Variants in CCS observed in about 807,000 individuals in gnomAD.
CCS encodes superoxide dismutase copper chaperone.
In CCS, 32 loss-of-function variants were observed where a neutral mutation model predicts 35.5. That is an observed-to-expected ratio of 0.90 (90% CI 0.68 to 1.21). The LOEUF (loss-of-function observed/expected upper bound fraction) is 1.21, where lower values mean the gene tolerates loss of function less well. Ranked by LOEUF, CCS falls within the 50% of genes most tolerant of loss-of-function variation. The pLI is 0.00. For missense variants in CCS, 342 were observed against 375.4 expected, an observed-to-expected ratio of 0.91 and a Z score of 0.73; for synonymous variants, 130 against 147.2, an observed-to-expected ratio of 0.88 and a Z score of 0.84.
chr11:66,599,537 C>T lies in CCS; in HGVS notation c.329C>T (p.Pro110Leu). ...QGVVRFLQLT[P>L]ERCLIEGTID... ...GTGGTGCGCTTCCTACAGCTGACCCCTGAGCGCTGCCTCATCGAGGGAACT... is the reference window on the plus strand; with the variant it reads ...GTGGTGCGCTTCCTACAGCTGACCCTTGAGCGCTGCCTCATCGAGGGAACT... The change falls in exon 4 of 8, where the codon CCT becomes CTT. Residue 110 changes from proline (P) to leucine (L), a missense_variant. Transcript: ENST00000533244. The T allele has an allele frequency of 6.2e-7, 1 of 1,600,796 alleles. No homozygotes were observed. Among genetic ancestry groups the T allele is most frequent in the Non-Finnish European group, 8.5e-7 (1 of 1,174,468 alleles).
At chr11:66,600,728 G>C (rs765008633) in intron 5 of CCS, among the ~76,000 whole-genome samples, 179 bp downstream of exon 5, 2 of 152,148 alleles carry the variant, frequency 1.3e-5, no homozygotes, top group Admixed American at 1.3e-4. Context: ...AGGCCCAGGG[G>C]ATACAATAGA....
chr11:66,605,761 G>C lies in CCS; in HGVS notation c.731G>C (p.Cys244Ser). 6.2e-7 allele frequency: 1 copy of C among 1,607,400 alleles called. No individual in the cohort carries two copies. Residue 244 changes from cysteine (C) to serine (S), a missense_variant, in exon 8 of 8, where the codon TGC becomes TCC. By Grantham distance (112) the Cys-to-Ser change is moderately radical. Coordinates refer to ENST00000533244, the MANE Select transcript of CCS (RefSeq NM_005125.2). The part of the protein sequence containing the change: ...AGLFQNPKQI[C>S]SCDGLTIWEE... The stretch of plus-strand genomic sequence containing the variant: ...CTTTTCCAGAACCCCAAGCAGATCT[G>C]CTCTTGCGATGGCCTCACCATCTGG...
In CCS at chr11:66,605,808, G is replaced by A. The variant is rs769281643; in HGVS notation, c.778G>A (p.Ala260Thr). The A allele has an allele frequency of 1.4e-5, 22 of 1,596,504 alleles. No homozygotes were observed. In the East Asian group the frequency reaches 2.7e-4, roughly 19 times the overall value. The change falls in exon 8 of 8, where the codon GCT becomes ACT. Residue 260 changes from alanine to threonine, a missense_variant. Transcript: ENST00000533244. ...CTGGGAGGAGCGAGGCCGGCCCATC[G>A]CTGGCAAGGGCCGAAAGGAGTCAGC... ...TIWEERGRPI[A>T]GKGRKESAQP...
Position 66,605,798 on chromosome 11 carries a change from C to G in CCS, c.768C>G (p.Gly256=). Residue 256 remains glycine, a synonymous_variant, in exon 8 of 8, where the codon GGC becomes GGG. Transcript: ENST00000533244. ...GCCTCACCATCTGGGAGGAGCGAGG[C>G]CGGCCCATCGCTGGCAAGGGCCGAA... is the stretch of plus-strand genomic sequence containing the variant. ...CDGLTIWEER[G]RPIAGKGRKE... The G allele has an allele frequency of 6.2e-7, 1 of 1,602,482 alleles. No individual in the cohort carries two copies. Among genetic ancestry groups the G allele is most frequent in the Non-Finnish European group, 8.5e-7 (1 of 1,174,088 alleles).
At chr11:66,596,380 CTTT>C (rs763924445) in intron 2 of CCS, among the ~76,000 whole-genome samples, 23 of 137,010 alleles carry the variant, frequency 1.7e-4, no homozygotes, top group African/African-American at 5.6e-4. Context: ...TGACAACTGA[CTTT>C]TTTTTTTTTT....
intron 5 of CCS, among the ~76,000 whole-genome samples, chr11:66,602,674 A>G (rs1485570846): frequency 6.6e-6 from 1 of 152,244 alleles, no homozygotes; most frequent in Non-Finnish European, 1.5e-5. Flanking sequence ...GCCCGGGCAA[A>G]GCCCTCAAGG....
At chr11:66,602,837 G>GC (rs1291231723) in intron 5 of CCS, among the ~76,000 whole-genome samples, 1 of 152,248 alleles carries the variant, frequency 6.6e-6, no homozygotes, top group African/African-American at 2.4e-5. Context: ...GAAGAACTGA[G>GC]CAGGAGCTGA....
In CCS at chr11:66,593,559, G is replaced by A. The variant is rs541750156; in HGVS notation, c.40-83G>A. 3.3e-5 allele frequency: 46 copies of A among 1,389,624 alleles called. No individual in the cohort carries two copies. The South Asian group carries it at 5.1e-4, about 15-fold the overall frequency. 86.1% of individuals were successfully genotyped at this position (1,389,624 alleles called of 1,614,324 possible). ...TGGGGCTTGTTCCCAGACCCTTGCG[G>A]TGGTCATAGGGTAGGTGGTGAAACA... On this transcript the variant is annotated intron_variant, in intron 1 of 7. Transcript: ENST00000533244.
intron 5 of CCS, among the ~76,000 whole-genome samples, chr11:66,603,983 C>T (rs777751469): frequency 7.2e-5 from 11 of 151,982 alleles, no homozygotes; most frequent in Admixed American, 6.6e-5. Flanking sequence ...GAGCCCAGAT[C>T]GCACCACTGC....
rs908092681 is a variant in CCS, at chr11:66,606,011, C to T, written c.*156C>T. ...CCTTGGCAAATGAAAGTTTTATTTT[C>T]GTTTGGGACTTGGTGTTTTGTGCTT... On this transcript the variant is annotated 3_prime_UTR_variant, in exon 8 of 8. Coordinates refer to ENST00000533244, the MANE Select transcript of CCS (RefSeq NM_005125.2). 13 of 746,162 alleles carry T rather than the reference C, an allele frequency of 1.7e-5. No individual in the cohort carries two copies. The highest frequency in any genetic ancestry group is 1.0e-4 in the South Asian group (3 of 29,298). 46.2% of individuals were successfully genotyped at this position (746,162 alleles called of 1,614,324 possible). A position where few individuals can be genotyped will look rare whatever the true frequency, so the allele number is the denominator to read the frequency against.
At chr11:66,602,557 G>A (rs1858588534) in intron 5 of CCS, among the ~76,000 whole-genome samples, 1 of 152,374 alleles carries the variant, frequency 6.6e-6, no homozygotes, top group Non-Finnish European at 1.5e-5. Context: ...ACTCAAGGGA[G>A]GCACATCATA....
chr11:66,599,302 A>G (rs774951369), intron 3 of CCS, 49 bp downstream of exon 3: 2 of 1,539,482 alleles, frequency 1.3e-6, no homozygotes, highest in Non-Finnish European at 1.7e-6. Flanking sequence ...GGTGGCTCAG[A>G]GCTGGTACAA....
intron 5 of CCS, 52 bp downstream of exon 5, chr11:66,600,601 A>C: frequency 1.0e-6 from 1 of 979,630 alleles, no homozygotes; most frequent in South Asian, 1.9e-5. Context: ...CCAAAGTCTC[A>C]GAGGCAGGGC....
intron 2 of CCS, among the ~76,000 whole-genome samples, chr11:66,594,235 T>C (rs1858434660): frequency 6.6e-6 from 1 of 152,112 alleles, no homozygotes; most frequent in Non-Finnish European, 1.5e-5. Flanking sequence ...GGTGGGCGCC[T>C]GTAGTCCCAG....
intron 2 of CCS, among the ~76,000 whole-genome samples, chr11:66,597,694 G>A (rs534255993): frequency 6.6e-6 from 1 of 151,882 alleles, no homozygotes; most frequent in African/African-American, 2.4e-5. Flanking sequence ...GAAGCTTGCA[G>A]TGAGCCCAGA....
intron 2 of CCS, among the ~76,000 whole-genome samples, chr11:66,596,078 T>C (rs954370073): frequency 6.6e-6 from 1 of 152,204 alleles, no homozygotes; most frequent in Admixed American, 6.5e-5. Context: ...CTTTTGCACA[T>C]AAAAGCCAGG....
intron 5 of CCS, among the ~76,000 whole-genome samples, chr11:66,604,360 T>C (rs139742083): frequency 7.9e-5 from 12 of 152,232 alleles, no homozygotes; most frequent in Admixed American, 7.2e-4. Context: ...GCAGCAGATA[T>C]CCCTCTGGAA....
intron 1 of CCS, 59 bp downstream of exon 1, chr11:66,593,359 G>A: frequency 6.9e-7 from 1 of 1,445,344 alleles, no homozygotes; most frequent in South Asian, 1.4e-5. Context: ...CCCCTGGGAT[G>A]ATCGTTACCT....
At chr11:66,596,943 T>TTACTACA (rs1456789869) in intron 2 of CCS, among the ~76,000 whole-genome samples, 1 of 152,198 alleles carries the variant, frequency 6.6e-6, no homozygotes, top group African/African-American at 2.4e-5. Flanking sequence ...GTTGCACAAC[T>TTACTACA]TACTACAGTG....
Sources: allele counts gnomAD v4.1 joint callset (sites outside exome capture counted in the v4.1 genomes callset), GRCh38; gene constraint gnomAD v4.1.1; transcripts MANE v1.5; gene names NCBI Gene and HGNC (gene_info 2026-07-23, HGNC 2026-07-21).